Variants in OPCML observed in about 807,000 individuals in gnomAD.
The protein encoded by OPCML is opioid binding protein/cell adhesion molecule like.
In OPCML, 13 loss-of-function variants were observed where a neutral mutation model predicts 37.8. The ratio of observed to expected loss-of-function variants is 0.34; its 90% CI spans 0.22 to 0.55. OPCML has a LOEUF of 0.55. OPCML is among the 20% of genes least tolerant of loss of function. The pLI, the probability that OPCML is intolerant of heterozygous loss-of-function variation, is 0.91. For synonymous variants in OPCML, 176 were observed against 168.8 expected, an observed-to-expected ratio of 1.04 and a Z score of -0.33; for missense variants, 341 against 435.6, an observed-to-expected ratio of 0.78 and a Z score of 1.93.
At chr11:133,132,022 A>C (rs182988231) in intron 1 of OPCML, among the ~76,000 whole-genome samples, 1 of 152,220 alleles carries the variant, frequency 6.6e-6, no homozygotes, top group African/African-American at 2.4e-5. Flanking sequence ...AGAAACTTTC[A>C]TAAAACAACA....
chr11:132,635,574 C>T (rs1007673360), intron 3 of OPCML, among the ~76,000 whole-genome samples: 9 of 107,396 alleles, frequency 8.4e-5, no homozygotes, highest in African/African-American at 2.9e-4. Context: ...TATGTCTTGC[C>T]TACCAGAGAA....
At chr11:132,928,509 C>G (rs966077729) in intron 2 of OPCML, among the ~76,000 whole-genome samples, 6 of 151,902 alleles carry the variant, frequency 3.9e-5, no homozygotes, top group Non-Finnish European at 7.4e-5. Context: ...AGAAATTGCT[C>G]TACAAGACCA....
intron 2 of OPCML, among the ~76,000 whole-genome samples, chr11:132,754,640 A>G (rs768757998): frequency 1.3e-4 from 20 of 152,136 alleles, no homozygotes; most frequent in Non-Finnish European, 2.1e-4. Flanking sequence ...GAACTGGGAG[A>G]TTCTCCTGAG....
At chr11:133,182,495 G>A (rs559081505) in intron 1 of OPCML, among the ~76,000 whole-genome samples, 1 of 152,276 alleles carries the variant, frequency 6.6e-6, no homozygotes, top group East Asian at 1.9e-4. Context: ...GGAAAAAAAG[G>A]AAGAGACAAT....
intron 3 of OPCML, among the ~76,000 whole-genome samples, chr11:132,578,846 A>G (rs565419932): frequency 5.9e-5 from 9 of 152,178 alleles, no homozygotes; most frequent in Non-Finnish European, 7.3e-5. Context: ...CAATTGATGC[A>G]TGGCTGGAAA....
chr11:132,740,767 T>C, intron 2 of OPCML, among the ~76,000 whole-genome samples: 1 of 152,172 alleles, frequency 6.6e-6, no homozygotes, highest in East Asian at 1.9e-4. Flanking sequence ...AAGAACACAA[T>C]TCTAAACTAC....
intron 1 of OPCML, among the ~76,000 whole-genome samples, chr11:133,392,564 G>T (rs1029622590): frequency 2.0e-5 from 3 of 152,190 alleles, no homozygotes; most frequent in Non-Finnish European, 2.9e-5. Context: ...GCTTCAGGGG[G>T]ACCTGAGCCC....
chr11:132,439,476 A>G (rs980705376), intron 4 of OPCML, among the ~76,000 whole-genome samples: 6 of 152,214 alleles, frequency 3.9e-5, no homozygotes, highest in African/African-American at 1.4e-4. Flanking sequence ...AGGCTAGTTC[A>G]TACACTAACT....
chr11:132,569,231 C>A (rs993244030), intron 3 of OPCML, among the ~76,000 whole-genome samples: 1 of 152,184 alleles, frequency 6.6e-6, no homozygotes, highest in African/African-American at 2.4e-5. Context: ...CATTAGGAAA[C>A]GCCCTAGTTC....
chr11:132,909,605 A>C (rs946944400), intron 2 of OPCML, among the ~76,000 whole-genome samples: 1 of 152,186 alleles, frequency 6.6e-6, no homozygotes, highest in African/African-American at 2.4e-5. Flanking sequence ...CGTTGTGGAG[A>C]GGGAGGGTGA....
intron 2 of OPCML, among the ~76,000 whole-genome samples, chr11:132,754,446 C>T (rs1945962756): frequency 6.6e-6 from 1 of 152,190 alleles, no homozygotes; most frequent in Non-Finnish European, 1.5e-5. Context: ...ATGTGACTTG[C>T]TCTTACTTAC....
At chr11:133,354,304 A>ATGGT (rs1944226397) in intron 1 of OPCML, among the ~76,000 whole-genome samples, 8 of 9,886 alleles carry the variant, frequency 8.1e-4, no homozygotes, top group East Asian at 3.8e-3. Flanking sequence ...GGTGGTGGTG[A>ATGGT]CGTGTTGGTA....
At chr11:132,710,002 C>T (rs1944195900) in intron 2 of OPCML, among the ~76,000 whole-genome samples, 1 of 152,148 alleles carries the variant, frequency 6.6e-6, no homozygotes, top group Non-Finnish European at 1.5e-5. Flanking sequence ...TTAGTGCTTA[C>T]AAAATATCTG....
intron 3 of OPCML, among the ~76,000 whole-genome samples, chr11:132,574,066 G>T (rs1346931690): frequency 6.6e-6 from 1 of 151,804 alleles, no homozygotes; most frequent in Admixed American, 6.6e-5. Context: ...GGTGCCAGAT[G>T]TAAACTCTCT....
At chr11:132,834,156 T>A (rs1336609383) in intron 2 of OPCML, among the ~76,000 whole-genome samples, 1 of 152,234 alleles carries the variant, frequency 6.6e-6, no homozygotes, top group Non-Finnish European at 1.5e-5. Flanking sequence ...GCAATGGGCC[T>A]TCTTTGTAAA....
At chr11:133,414,504 T>C (rs1945718719) in intron 1 of OPCML, among the ~76,000 whole-genome samples, 1 of 152,122 alleles carries the variant, frequency 6.6e-6, no homozygotes, top group Non-Finnish European at 1.5e-5. Flanking sequence ...GCTATAGACA[T>C]AAATCCTGGT....
chr11:132,858,211 C>T (rs1296396627), intron 2 of OPCML, among the ~76,000 whole-genome samples: 1 of 152,340 alleles, frequency 6.6e-6, no homozygotes, highest in East Asian at 1.9e-4. Context: ...GTCTGCACAG[C>T]TCTCAGGCTC....
At chr11:133,062,292 G>A (rs747171797) in intron 1 of OPCML, among the ~76,000 whole-genome samples, 14 of 152,158 alleles carry the variant, frequency 9.2e-5, no homozygotes, top group Non-Finnish European at 2.1e-4. Context: ...CCGAGTGAAA[G>A]GAAGTCCATG....
intron 1 of OPCML, among the ~76,000 whole-genome samples, chr11:133,526,859 A>G (rs896666008): frequency 6.6e-6 from 1 of 152,140 alleles, no homozygotes; most frequent in Non-Finnish European, 1.5e-5. Context: ...GGAGTGGGAG[A>G]GCAGAGCCGC....
Sources: gnomAD v4.1 joint callset for allele counts (sites outside exome capture counted in the v4.1 genomes callset) on GRCh38, gnomAD v4.1.1 for gene constraint, MANE v1.5 for transcripts, NCBI Gene and HGNC (gene_info 2026-07-23, HGNC 2026-07-21) for gene names.